The following PIAS4 variants were observed in gnomAD, a reference collection of about 807,000 sequenced individuals.
The protein encoded by PIAS4 is E3 SUMO-protein ligase PIAS4.
A neutral mutation model predicts 58.0 loss-of-function variants in PIAS4; 7 were observed. That is an observed-to-expected ratio of 0.12 (90% CI 0.07 to 0.23). The LOEUF is 0.23. Ranked by LOEUF, PIAS4 falls within the 10% of genes least tolerant of loss-of-function variation. PIAS4 has a pLI of 1.00. For synonymous variants in PIAS4, 364 were observed against 312.4 expected, an observed-to-expected ratio of 1.17 and a Z score of -1.74; for missense variants, 550 against 709.5, an observed-to-expected ratio of 0.78 and a Z score of 2.55.
chr19:4,033,409 C>A lies in PIAS4; in HGVS notation c.982-11C>A. On this transcript the variant is annotated splice_polypyrimidine_tract_variant and intron_variant, in intron 8 of 10. Transcript: ENST00000262971. Reference sequence around the variant, plus strand: ...GAGGGGTGCCCTGCTCACGCAGCCCCTCCCCCACAGCTGGTGAAGATGCGG... The same window carrying A: ...GAGGGGTGCCCTGCTCACGCAGCCCATCCCCCACAGCTGGTGAAGATGCGG... The A allele has an allele frequency of 6.5e-7, 1 of 1,547,644 alleles. No individual in the cohort carries two copies. Among genetic ancestry groups the A allele is most frequent in the Non-Finnish European group, 8.7e-7 (1 of 1,146,826 alleles).
intron 1 of PIAS4, among the ~76,000 whole-genome samples, chr19:4,008,055 C>T (rs1161183281): frequency 1.3e-5 from 2 of 151,774 alleles, no homozygotes; most frequent in Non-Finnish European, 2.9e-5. Flanking sequence ...CAGCCCGAGC[C>T]CTTAGGGTCC....
intron 9 of PIAS4, among the ~76,000 whole-genome samples, chr19:4,036,638 G>A (rs549469762): frequency 0.012 from 1,460 of 124,258 alleles, 146 homozygotes; most frequent in African/African-American, 0.054. Context: ...CATCTATACA[G>A]TCCACACTGT....
chr19:4,007,984 G>A (rs1207517211), intron 1 of PIAS4, among the ~76,000 whole-genome samples, 197 bp downstream of exon 1: 1 of 151,332 alleles, frequency 6.6e-6, no homozygotes, highest in Non-Finnish European at 1.5e-5. Flanking sequence ...GGGCCCTCCT[G>A]CCTCACCCAG....
intron 6 of PIAS4, 32 bp from the exon 7 acceptor site, chr19:4,028,893 CCGTCCT>C: frequency 6.2e-7 from 1 of 1,612,464 alleles, no homozygotes; most frequent in South Asian, 1.1e-5. Flanking sequence ...AACCCCGGCC[CCGTCCT>C]GCCAGCCCTG....
chr19:4,038,100 CAAA>C lies in PIAS4; in HGVS notation c.*229_*231del, dbSNP rs1413359257. ...AAAGATACAAAAAAGAAAAATGAAA[CAAA>C]AAAGTCAAACTCTTAAAAACAAGGC... On this transcript the variant is annotated 3_prime_UTR_variant, in exon 11 of 11. Coordinates refer to ENST00000262971, the MANE Select transcript of PIAS4 (RefSeq NM_015897.4). This position sits in a 1 kb window ranked among gnomAD's most constrained non-coding sequence, Gnocchi z 4.1. 1 of 538,736 alleles carries C rather than the reference CAAA, an allele frequency of 1.9e-6. No homozygotes were observed. The highest frequency in any genetic ancestry group is 3.2e-6 in the Non-Finnish European group (1 of 315,146). The allele number at this position is 538,736 out of a possible 1,614,324, so 33.4% of individuals were successfully genotyped here. A position where few individuals can be genotyped will look rare whatever the true frequency, so the allele number is the denominator to read the frequency against.
chr19:4,021,347 A>G (rs1191661845), intron 2 of PIAS4, among the ~76,000 whole-genome samples: 2 of 151,918 alleles, frequency 1.3e-5, no homozygotes, highest in South Asian at 2.1e-4. Context: ...TGGGGTTACC[A>G]TATTGTCCAG....
At chr19:4,009,482 G>A (rs1192098344) in intron 1 of PIAS4, among the ~76,000 whole-genome samples, 1 of 152,062 alleles carries the variant, frequency 6.6e-6, no homozygotes, top group African/African-American at 2.4e-5. Context: ...CACCCTGGCT[G>A]AGGGCAGGGT....
At chr19:4,036,729 C>T (rs962563716) in intron 9 of PIAS4, among the ~76,000 whole-genome samples, 1 of 151,636 alleles carries the variant, frequency 6.6e-6, no homozygotes, top group African/African-American at 2.4e-5. Flanking sequence ...TCTCTACAGT[C>T]CACACCATCA....
intron 2 of PIAS4, among the ~76,000 whole-genome samples, chr19:4,016,717 G>T (rs1245624544): frequency 1.3e-5 from 2 of 152,200 alleles, no homozygotes; most frequent in Non-Finnish European, 2.9e-5. Context: ...AGAGGAGGGG[G>T]CAGGGGAGCG....
At chr19:4,027,014 A>ATT (rs59654164) in intron 3 of PIAS4, among the ~76,000 whole-genome samples, 134 of 147,974 alleles carry the variant, frequency 9.1e-4, no homozygotes, top group East Asian at 2.2e-3. Flanking sequence ...CGCCTGGCTG[A>ATT]TTTTTTTTTT....
intron 1 of PIAS4, among the ~76,000 whole-genome samples, chr19:4,008,273 A>C (rs1287530532): frequency 6.6e-6 from 1 of 151,980 alleles, no homozygotes; most frequent in African/African-American, 2.4e-5. Context: ...CCAACAGGCC[A>C]GGCTGGGGTT....
At chr19:4,007,894 G>C in intron 1 of PIAS4, 107 bp downstream of exon 1, 1 of 874,086 alleles carries the variant, frequency 1.1e-6, no homozygotes, top group African/African-American at 1.8e-5. Context: ...AGCGCGGCCG[G>C]CCCGCGGCTC....
chr19:4,034,005 G>A (rs1374914658), intron 9 of PIAS4, among the ~76,000 whole-genome samples: 1 of 151,158 alleles, frequency 6.6e-6, no homozygotes, highest in African/African-American at 2.5e-5. Flanking sequence ...CTCTGGCTAC[G>A]CCATGCCCTT....
chr19:4,033,024 G>C, intron 7 of PIAS4, 76 bp from the exon 8 acceptor site: 1 of 1,181,324 alleles, frequency 8.5e-7, no homozygotes, highest in Non-Finnish European at 1.3e-6. Flanking sequence ...CGTCAGTGCC[G>C]GAGAGAACTC....
chr19:4,015,638 TG>T (rs2040045083), intron 2 of PIAS4, among the ~76,000 whole-genome samples: 1 of 152,168 alleles, frequency 6.6e-6, no homozygotes, highest in Non-Finnish European at 1.5e-5. Flanking sequence ...GGACCTGAGA[TG>T]CCATCTGTCC....
At chr19:4,023,659 C>T (rs1268983213) in intron 2 of PIAS4, among the ~76,000 whole-genome samples, 1 of 152,192 alleles carries the variant, frequency 6.6e-6, no homozygotes, top group Non-Finnish European at 1.5e-5. Context: ...AGGGCCGGGT[C>T]CGGTTTGTGC....
chr19:4,033,453 G>A lies in PIAS4; in HGVS notation c.1015G>A (p.Ala339Thr). The A allele has an allele frequency of 6.4e-7, 1 of 1,564,030 alleles. No individual in the cohort carries two copies. ...GATGCGGCTCTCCGTGCCCTGCCGG[G>A]CAGAGACCTGTGCCCACCTGCAGTG... ...VKMRLSVPCR[A>T]ETCAHLQCFD... is the part of the protein sequence containing the mutation. Residue 339 changes from alanine (A) to threonine (T), a missense_variant, in exon 9 of 11, where the codon GCA becomes ACA. By Grantham distance (58) the Ala-to-Thr change is moderately conservative (BLOSUM62 0). This residue lies in a region of PIAS4 where 225 missense variants were observed against 345.8 expected (regional missense o/e 0.65). Transcript: ENST00000262971.
In PIAS4 at chr19:4,038,157, T is replaced by G; in HGVS notation, c.*282T>G. On this transcript the variant is annotated 3_prime_UTR_variant, in exon 11 of 11. Transcript: ENST00000262971. This position sits in a 1 kb window ranked among gnomAD's most constrained non-coding sequence, Gnocchi z 4.1. ...CCACCCACACAGCCGCCTCCCCGGC[T>G]GGAGTCCGAGCCGGGAAGGGGTAGT... 1 of 378,260 alleles carries G rather than the reference T, an allele frequency of 2.6e-6. No homozygotes were observed. Among genetic ancestry groups the G allele is most frequent in the Admixed American group, 4.7e-5 (1 of 21,202 alleles). The allele number at this position is 378,260 out of a possible 1,614,324, so 23.4% of individuals were successfully genotyped here. A position where few individuals can be genotyped will look rare whatever the true frequency, so the allele number is the denominator to read the frequency against.
rs1017950383 is a variant in PIAS4 at position 4,033,543 on chromosome 19, G to A, written c.1105G>A (p.Asp369Asn). ...GCCCACCTGGATGTGCCCCGTGTGC[G>A]ACAAGCCAGCCCCCTACGACCAGCT... ...KKPTWMCPVC[D>N]KPAPYDQLII... The change falls in exon 9 of 11, where the codon GAC becomes AAC. Residue 369 changes from aspartate to asparagine, a missense_variant. Around this residue, in one of 4 missense-constraint regions of PIAS4, gnomAD observed 225 missense variants for 345.8 expected, o/e 0.65. Transcript: ENST00000262971. 19 of 1,608,596 alleles carry A rather than the reference G, an allele frequency of 1.2e-5. No homozygotes were observed. The highest frequency in any genetic ancestry group is 1.6e-5 in the Non-Finnish European group (19 of 1,178,532).
Sources: allele counts gnomAD v4.1 joint callset (sites outside exome capture counted in the v4.1 genomes callset), GRCh38; gene constraint gnomAD v4.1.1; regional missense constraint gnomAD v4.1.1; non-coding constraint Gnocchi (gnomAD v3.1); transcripts MANE v1.5; gene names NCBI Gene and HGNC (gene_info 2026-07-23, HGNC 2026-07-21).